The following TJP2 variants were observed in gnomAD, a reference collection of about 807,000 sequenced individuals.
TJP2 encodes the protein tight junction protein 2.
TJP2 carries 91 observed loss-of-function variants against 133.1 expected under a neutral mutation model. The observed-to-expected ratio is 0.68, with a 90% CI of 0.58 to 0.81. The LOEUF (loss-of-function observed/expected upper bound fraction) is 0.81, where lower values mean the gene tolerates loss of function less well. Among genes scored for constraint, TJP2 ranks in the 40% least tolerant of loss-of-function variants. The pLI is 0.00. For missense variants in TJP2, 1,541 were observed against 1,565.6 expected (o/e 0.98, Z 0.26); for synonymous variants, 592 against 583.4 (o/e 1.01, Z -0.21).
At position 69,251,267 on chromosome 9, in the gene TJP2, C is replaced by T. The variant is rs956649425; in HGVS notation, c.3224C>T (p.Pro1075Leu). Residue 1075 changes from proline (P) to leucine (L), a missense_variant, in exon 21 of 23, where the codon CCC becomes CTC. Pro to Leu is a moderately conservative substitution (Grantham distance 98). Transcript: ENST00000377245. ...AGCAGTGAGGAGCAAGATAATGCTC[C>T]CAAATCAGTCCTGGGCAAAGTCAAA... ...GESSEEQDNAPKSVLGKVKIF... is the reference protein window; with the variant it reads ...GESSEEQDNALKSVLGKVKIF... 1 of 1,614,080 alleles carries T rather than the reference C, an allele frequency of 6.2e-7. No homozygotes were observed. The highest frequency in any genetic ancestry group is 8.5e-7 in the Non-Finnish European group (1 of 1,180,022).
intron 21 of TJP2, 42 bp downstream of exon 21, chr9:69,251,406 A>G (rs747422507): frequency 1.0e-5 from 16 of 1,589,064 alleles, no homozygotes; most frequent in Non-Finnish European, 1.3e-5. Flanking sequence ...AGAGTTTTAA[A>G]TAAGTTTGAT....
In TJP2 at chr9:69,166,732, T is replaced by C. The variant is rs112140782; in HGVS notation, c.-10+14961T>C. Among the ~76,000 whole-genome samples, 158 of 151,944 alleles carry C rather than the reference T, an allele frequency of 1.0e-3. 1 individual carries two copies. The highest frequency in any genetic ancestry group is 3.7e-3 in the African/African-American group (155 of 41,514). On this transcript the variant is annotated intron_variant, in intron 2 of 5. Transcript: ENST00000423935. ...TCAAGTGATCTGCCTCCCAAAGTGCTGGGATTACAGGCGTGAGCCACCGTG... is the reference window on the plus strand; with the variant it reads ...TCAAGTGATCTGCCTCCCAAAGTGCCGGGATTACAGGCGTGAGCCACCGTG...
chr9:69,152,297 A>G (rs1823512119), intron 2 of TJP2, among the ~76,000 whole-genome samples: 1 of 152,208 alleles, frequency 6.6e-6, no homozygotes, highest in Non-Finnish European at 1.5e-5. Flanking sequence ...TTTAAGAGTG[A>G]ATCAAATGAG....
intron 12 of TJP2, among the ~76,000 whole-genome samples, chr9:69,234,762 A>G (rs1172253385): frequency 6.6e-6 from 1 of 152,172 alleles, no homozygotes; most frequent in African/African-American, 2.4e-5. Context: ...AAATAATTTT[A>G]CTAGTTGTGT....
chr9:69,198,089 C>T (rs1231703921), intron 1 of TJP2, among the ~76,000 whole-genome samples: 1 of 151,126 alleles, frequency 6.6e-6, no homozygotes, highest in Non-Finnish European at 1.5e-5. Flanking sequence ...TTCAACACAA[C>T]TGCTTTGAAA....
upstream of TJP2, chr9:69,174,084 C>A: frequency 8.9e-7 from 1 of 1,128,526 alleles, no homozygotes; most frequent in Non-Finnish European, 1.1e-6. Context: ...GCCTCGAAGG[C>A]GCGGCGCCGG....
chr9:69,248,848 T>C, intron 19 of TJP2: 1 of 994,182 alleles, frequency 1.0e-6, no homozygotes, highest in Non-Finnish European at 1.2e-6. Context: ...TCAGAGAATG[T>C]TGGAATAATG....
chr9:69,209,706 AT>A (rs1414468900), intron 1 of TJP2, among the ~76,000 whole-genome samples: 1 of 151,054 alleles, frequency 6.6e-6, no homozygotes, highest in Non-Finnish European at 1.5e-5. Context: ...GTGAGCCCAG[AT>A]CGTGCCATTG....
chr9:69,135,340 GAGGA>G (rs1167461220), intron 1 of TJP2, among the ~76,000 whole-genome samples: 1 of 152,198 alleles, frequency 6.6e-6, no homozygotes, highest in African/African-American at 2.4e-5. Flanking sequence ...GTTTACAGAT[GAGGA>G]AACCCAGGCC....
intron 11 of TJP2, among the ~76,000 whole-genome samples, chr9:69,232,538 A>G (rs1455005979): frequency 6.6e-6 from 1 of 152,224 alleles, no homozygotes; most frequent in East Asian, 1.9e-4. Flanking sequence ...AATTGAATAT[A>G]TAAAGTGAGC....
In TJP2 at chr9:69,221,493, G is replaced by C; in HGVS notation, c.949G>C (p.Glu317Gln). The change falls in exon 5 of 23, where the codon GAA becomes CAA. Residue 317 changes from glutamate to glutamine, a missense_variant. By Grantham distance (29) the Glu-to-Gln change is conservative. Coordinates refer to ENST00000377245, the MANE Select transcript of TJP2 (RefSeq NM_004817.4). Reference sequence around the variant, plus strand: ...CCTCCTGATGAAAAGCAGAGCGAACGAAGGTAGGCATGCTTGATGTGGGAA... The same window carrying C: ...CCTCCTGATGAAAAGCAGAGCGAACCAAGGTAGGCATGCTTGATGTGGGAA... ...GVLLMKSRANEEYGLRLGSQI... is the reference protein window; with the variant it reads ...GVLLMKSRANQEYGLRLGSQI... 6.2e-7 allele frequency: 1 copy of C among 1,603,266 alleles called. No individual in the cohort carries two copies. The highest frequency in any genetic ancestry group is 8.5e-7 in the Non-Finnish European group (1 of 1,174,764).
rs574162419 is a variant in TJP2 at position 69,240,265 on chromosome 9, G to A, written c.2566+118G>A. ...TTTGAAATTGTGTTCATGACTCCTT[G>A]AAAAATAGTTAATCCTATAAAATGG... On this transcript the variant is annotated intron_variant, in intron 17 of 22. Transcript: ENST00000377245. The A allele has an allele frequency of 3.3e-3, 3,350 of 1,027,798 alleles. 10 individuals are homozygous for A. The highest frequency in any genetic ancestry group is 4.5e-3 in the Non-Finnish European group (3,089 of 693,448). The allele number at this position is 1,027,798 out of a possible 1,614,324, so 63.7% of individuals were successfully genotyped here.
chr9:69,137,489 A>G lies in TJP2; in HGVS notation c.-130-14162A>G, dbSNP rs143449942. ...ACGATCCTCTCGCCTCAGCCTCCTG[A>G]GTAGCTGGAACCACAGATGCGCACC... On this transcript the variant is annotated intron_variant, in intron 1 of 5. Transcript: ENST00000423935. Among the ~76,000 whole-genome samples the G allele has an allele frequency of 2.1e-3, 318 of 151,178 alleles. 1 individual carries two copies. Among genetic ancestry groups the G allele is most frequent in the African/African-American group, 7.4e-3 (306 of 41,088 alleles).
At chr9:69,195,232 T>TA (rs1826468496) in intron 1 of TJP2, among the ~76,000 whole-genome samples, 1 of 152,212 alleles carries the variant, frequency 6.6e-6, no homozygotes, top group Admixed American at 6.5e-5. Flanking sequence ...GTTTTAGTGT[T>TA]ATATAAGTTT....
chr9:69,151,607 A>G (rs1048454070), intron 1 of TJP2: 1 of 1,231,646 alleles, frequency 8.1e-7, no homozygotes, highest in African/African-American at 1.6e-5. Context: ...TTACCATTGC[A>G]GGGAATGAGC....
chr9:69,201,898 G>A (rs1827023467), intron 1 of TJP2, among the ~76,000 whole-genome samples: 1 of 152,154 alleles, frequency 6.6e-6, no homozygotes, highest in South Asian at 2.1e-4. Context: ...TATATGATGT[G>A]TCTAATGTAG....
chr9:69,196,962 C>CACACACACACACACACAT (rs1826621627), intron 1 of TJP2, among the ~76,000 whole-genome samples: 1 of 151,428 alleles, frequency 6.6e-6, no homozygotes, highest in African/African-American at 2.4e-5. Context: ...CACACACACA[C>CACACACACACACACACAT]ACACACACAC....
At chr9:69,175,142 A>G (rs1278766175) in intron 1 of TJP2, among the ~76,000 whole-genome samples, 3 of 152,326 alleles carry the variant, frequency 2.0e-5, no homozygotes, top group Admixed American at 6.5e-5. Context: ...CTTGGGAGTG[A>G]GTGCTCCCGC....
intron 1 of TJP2, among the ~76,000 whole-genome samples, chr9:69,210,612 T>C (rs1385476146): frequency 6.6e-6 from 1 of 152,190 alleles, no homozygotes; most frequent in Admixed American, 6.5e-5. Context: ...TGATGGGCCT[T>C]CATTTAATCT....
Sources: allele counts gnomAD v4.1 joint callset (sites outside exome capture counted in the v4.1 genomes callset), GRCh38; gene constraint gnomAD v4.1.1; transcripts MANE v1.5; gene names NCBI Gene and HGNC (gene_info 2026-07-23, HGNC 2026-07-21).